Variants in OR7C1 observed in about 807,000 individuals in gnomAD.
OR7C1 encodes olfactory receptor family 7 subfamily C member 1, also known as olfactory receptor 7C1.
For missense variants in OR7C1, 324 were observed against 383.3 expected (o/e 0.85, Z 1.29); for synonymous variants, 152 against 160.7 (o/e 0.95, Z 0.41).
intron 2 of OR7C1, among the ~76,000 whole-genome samples, chr19:14,800,985 C>T (rs2044638806): frequency 6.6e-6 from 1 of 152,176 alleles, no homozygotes; most frequent in Admixed American, 6.5e-5. Context: ...TTTTTCTTCT[C>T]TTCTCCCTAT....
At chr19:14,811,889 C>G (rs1160707567) in intron 1 of OR7C1, among the ~76,000 whole-genome samples, 1 of 151,984 alleles carries the variant, frequency 6.6e-6, no homozygotes, top group Admixed American at 6.5e-5. Context: ...TGCTGCTCAC[C>G]TCCTCCCGTG....
intron 1 of OR7C1, chr19:14,827,095 A>C (rs1262484914): frequency 1.8e-5 from 9 of 491,210 alleles, no homozygotes; most frequent in Non-Finnish European, 3.0e-5. Context: ...AAAGAGAAAA[A>C]ACTGTTGGAT....
exon 5 of OR7C1, chr19:14,799,276 G>A (rs762489287): frequency 2.5e-6 from 4 of 1,614,122 alleles, no homozygotes; most frequent in Middle Eastern, 1.6e-4. Context: ...TGTAGATGAA[G>A]GGGTTCAGCA....
chr19:14,800,389 C>T (rs1038929267), exon 4 of OR7C1: 13 of 416,776 alleles, frequency 3.1e-5, no homozygotes, highest in African/African-American at 2.6e-4. Flanking sequence ...AAAGTGTTGT[C>T]CATGAACCAA....
At chr19:14,803,104 C>T (rs988875538) in intron 2 of OR7C1, among the ~76,000 whole-genome samples, 65 of 151,870 alleles carry the variant, frequency 4.3e-4, no homozygotes, top group Non-Finnish European at 8.5e-4. Context: ...GTCAGGAGTT[C>T]AAGACCAGCC....
chr19:14,824,678 G>A (rs9676708), intron 1 of OR7C1: 73,350 of 151,992 alleles, frequency 0.48, 18,633 homozygotes, highest in East Asian at 0.7. Context: ...TAGCACCACA[G>A]TGAACATATG....
chr19:14,827,083 A>G, intron 1 of OR7C1: 1 of 457,382 alleles, frequency 2.2e-6, no homozygotes, highest in South Asian at 8.0e-5. Context: ...TAGGAAAACA[A>G]CAAAGAGAAA....
chr19:14,804,684 G>A (rs1438596642), intron 2 of OR7C1, among the ~76,000 whole-genome samples: 1 of 151,868 alleles, frequency 6.6e-6, no homozygotes, highest in Non-Finnish European at 1.5e-5. Flanking sequence ...CGAGTCGCAG[G>A]GACTGGGGAG....
chr19:14,810,146 A>T (rs1311652639), intron 1 of OR7C1, among the ~76,000 whole-genome samples, 153 bp from the exon 2 acceptor site: 1 of 151,866 alleles, frequency 6.6e-6, no homozygotes, highest in African/African-American at 2.4e-5. Flanking sequence ...CTGCCAGTTC[A>T]TTCCCCGTGG....
At chr19:14,813,028 G>GCACT (rs2044698610) in intron 1 of OR7C1, among the ~76,000 whole-genome samples, 2 of 146,022 alleles carry the variant, frequency 1.4e-5, no homozygotes, top group South Asian at 4.3e-4. Context: ...TTGCACCACT[G>GCACT]CACTCCAGCA....
chr19:14,821,607 T>C (rs1020308594), intron 1 of OR7C1: 1 of 152,278 alleles, frequency 6.6e-6, no homozygotes, highest in East Asian at 1.9e-4. Context: ...TGCCTGCACA[T>C]GCAAATATAC....
intron 1 of OR7C1, chr19:14,828,445 C>T (rs1435087049): frequency 1.3e-5 from 8 of 636,880 alleles, no homozygotes; most frequent in Non-Finnish European, 2.2e-5. Flanking sequence ...TAACTGAAGA[C>T]AGCGTACATT....
chr19:14,823,885 A>G (rs564220861), intron 1 of OR7C1, among the ~76,000 whole-genome samples: 18 of 149,172 alleles, frequency 1.2e-4, no homozygotes, highest in Admixed American at 1.0e-3. Flanking sequence ...TATTGAAGAG[A>G]TGGTACTCTC....
intron 2 of OR7C1, among the ~76,000 whole-genome samples, chr19:14,801,841 A>G (rs922868560): frequency 6.6e-6 from 1 of 152,196 alleles, no homozygotes; most frequent in African/African-American, 2.4e-5. Context: ...CTTTTAAACA[A>G]CCAGATTTCA....
chr19:14,808,111 AAAC>A lies in OR7C1; in HGVS notation c.-435+1692_-435+1694del, dbSNP rs1002367992. ...TATTTTAAAGAAATAAAAAAAAAAA[AAAC>A]AACAACAGATGTTGGTGAGGATGCA... On this transcript the variant is annotated intron_variant, in intron 2 of 4. Coordinates refer to ENST00000641666, the Ensembl canonical transcript of OR7C1. 1.8e-4 allele frequency among the ~76,000 whole-genome samples: 27 copies of A among 151,130 alleles called. 1 individual carries two copies. The highest frequency in any genetic ancestry group is 9.9e-4 in the Admixed American group (15 of 15,210).
intron 2 of OR7C1, among the ~76,000 whole-genome samples, chr19:14,805,442 A>C (rs1449177904): frequency 1.5e-5 from 2 of 134,698 alleles, no homozygotes; most frequent in South Asian, 2.4e-4. Flanking sequence ...TTTAGACAGA[A>C]TCTCACTCTG....
chr19:14,825,253 TAGAG>T (rs1160726682), intron 1 of OR7C1: 1 of 151,814 alleles, frequency 6.6e-6, no homozygotes, highest in Non-Finnish European at 1.5e-5. Context: ...TACATAGAAA[TAGAG>T]AGTACAATTC....
chr19:14,810,565 A>G (rs1036278392), intron 1 of OR7C1, among the ~76,000 whole-genome samples: 37 of 116,626 alleles, frequency 3.2e-4, no homozygotes, highest in South Asian at 1.8e-3. Flanking sequence ...TTTTTTTTTT[A>G]TAGTGGAGAT....
chr19:14,814,701 A>G (rs2044708100), intron 1 of OR7C1, among the ~76,000 whole-genome samples: 1 of 152,186 alleles, frequency 6.6e-6, no homozygotes, highest in Non-Finnish European at 1.5e-5. Context: ...CTGGGATTAC[A>G]GGCGTAAGCC....
Sources: gnomAD v4.1 joint callset for allele counts (sites outside exome capture counted in the v4.1 genomes callset) on GRCh38, gnomAD v4.1.1 for gene constraint, MANE v1.5 for transcripts, NCBI Gene and HGNC (gene_info 2026-07-23, HGNC 2026-07-21) for gene names.